Variants in IGLL5 observed in about 807,000 individuals in gnomAD.
The protein encoded by IGLL5 is immunoglobulin lambda like polypeptide 5, also known as immunoglobulin lambda-like polypeptide 5.
In IGLL5, 30 loss-of-function variants were observed where a neutral mutation model predicts 20.9. The ratio of observed to expected loss-of-function variants is 1.44; its 90% CI spans 1.07 to 1.95. The LOEUF is 1.95. Among genes scored for constraint, IGLL5 ranks in the 30% most tolerant of loss-of-function variants. IGLL5 has a pLI of 0.00. For missense variants in IGLL5, 475 were observed against 270.7 expected (o/e 1.75, Z -5.30); for synonymous variants, 203 against 117.3 (o/e 1.73, Z -4.72).
chr22:22,894,831 A>G (rs2066700638), intron 2 of IGLL5, among the ~76,000 whole-genome samples: 3 of 151,374 alleles, frequency 2.0e-5, no homozygotes, highest in Middle Eastern at 3.8e-3. Flanking sequence ...CCTTGCCAGG[A>G]GAGCCAAGTG....
chr22:22,894,072 T>C (rs1281289524), intron 2 of IGLL5, among the ~76,000 whole-genome samples: 2 of 151,424 alleles, frequency 1.3e-5, no homozygotes, highest in Middle Eastern at 3.7e-3. Context: ...GCTCCTCCTC[T>C]CTTCCAGGGC....
At chr22:22,888,307 T>G (rs553889452) in intron 1 of IGLL5, 48 bp downstream of exon 1, 2 of 1,521,520 alleles carry the variant, frequency 1.3e-6, no homozygotes, top group East Asian at 2.5e-5. Flanking sequence ...GCAGCAGAGC[T>G]GGGAAAGGGT....
intron 2 of IGLL5, 108 bp from the exon 3 acceptor site, chr22:22,895,267 C>G: frequency 7.0e-6 from 7 of 1,006,872 alleles, no homozygotes; most frequent in Non-Finnish European, 1.1e-5. Context: ...CCGGGTGGAC[C>G]GGATGGCCAC....
intron 2 of IGLL5, 102 bp downstream of exon 2, chr22:22,893,920 TAAG>T: frequency 1.2e-6 from 1 of 843,238 alleles, no homozygotes; most frequent in Non-Finnish European, 2.0e-6. Context: ...CTCCCAGCCT[TAAG>T]CACTGACCCT....
At chr22:22,892,918 G>C (rs2067893503) in intron 1 of IGLL5, among the ~76,000 whole-genome samples, 1 of 151,022 alleles carries the variant, frequency 6.6e-6, no homozygotes, top group South Asian at 2.1e-4. Context: ...AGGGGAGAGT[G>C]ACTAGAAAGA....
chr22:22,888,516 A>T (rs1601601657), intron 1 of IGLL5, among the ~76,000 whole-genome samples: 2 of 151,412 alleles, frequency 1.3e-5, no homozygotes, highest in South Asian at 2.1e-4. Flanking sequence ...CACCAGGGTC[A>T]GTGCCTCAAT....
At chr22:22,889,015 A>AGAAGACCATTGGGTCCGTG in intron 1 of IGLL5, among the ~76,000 whole-genome samples, 1 of 151,226 alleles carries the variant, frequency 6.6e-6, no homozygotes, top group East Asian at 2.0e-4. Flanking sequence ...AGGGGAGGCA[A>AGAAGACCATTGGGTCCGTG]GAAGACCATA....
intron 1 of IGLL5, among the ~76,000 whole-genome samples, chr22:22,888,526 T>A: frequency 6.6e-6 from 1 of 151,438 alleles, no homozygotes; most frequent in East Asian, 2.0e-4. Flanking sequence ...AGTGCCTCAA[T>A]CACCTAGTCC....
chr22:22,887,982 G>A lies in IGLL5; in HGVS notation c.-72G>A, dbSNP rs2067556085. On this transcript the variant is annotated 5_prime_UTR_variant, in exon 1 of 3. Transcript: ENST00000526893. ...ACTGTAACAGCCCTGCTGGCGAGAG[G>A]GACCAGGGCACCGTCCTCCAGGGAG... 22 of 1,229,668 alleles carry A rather than the reference G, an allele frequency of 1.8e-5. No homozygotes were observed. In the South Asian group the frequency reaches 2.6e-4, roughly 14 times the overall value. The allele number at this position is 1,229,668 out of a possible 1,614,324, so 76.2% of individuals were successfully genotyped here.
chr22:22,891,655 A>G (rs910063448), intron 1 of IGLL5, among the ~76,000 whole-genome samples: 2 of 151,348 alleles, frequency 1.3e-5, no homozygotes, highest in African/African-American at 2.4e-5. Flanking sequence ...GTTCAGAGAC[A>G]TGATGTACTC....
At chr22:22,889,116 T>TGA in intron 1 of IGLL5, among the ~76,000 whole-genome samples, 1 of 150,836 alleles carries the variant, frequency 6.6e-6, no homozygotes, top group East Asian at 2.0e-4. Context: ...TTTGGAAAAA[T>TGA]CAGCACCGGA....
chr22:22,894,382 C>G (rs192361607), intron 2 of IGLL5, among the ~76,000 whole-genome samples: 35 of 151,202 alleles, frequency 2.3e-4, no homozygotes, highest in Middle Eastern at 3.8e-3. Context: ...GTGGCCTGTG[C>G]TGGGTCATGA....
chr22:22,889,429 G>T (rs551342433), intron 1 of IGLL5, among the ~76,000 whole-genome samples: 2 of 151,270 alleles, frequency 1.3e-5, no homozygotes, highest in Admixed American at 1.3e-4. Flanking sequence ...TCCACTTCTA[G>T]GAATTTATCC....
chr22:22,893,951 C>T (rs2067955051), intron 2 of IGLL5, 133 bp downstream of exon 2: 1 of 725,748 alleles, frequency 1.4e-6, no homozygotes, highest in Non-Finnish European at 2.5e-6. Flanking sequence ...CTCCATGGGG[C>T]CTGGAGGAGG....
chr22:22,888,772 T>C (rs541154644), intron 1 of IGLL5, among the ~76,000 whole-genome samples: 2 of 151,358 alleles, frequency 1.3e-5, no homozygotes, highest in Admixed American at 6.6e-5. Context: ...GGGGCCAGGC[T>C]CAAGGACACA....
rs964463714 is a variant in IGLL5, at chr22:22,893,981, C to G, written c.325+163C>G. 2.2e-4 allele frequency among the ~76,000 whole-genome samples: 33 copies of G among 151,064 alleles called. 1 individual carries two copies. Among genetic ancestry groups the G allele is most frequent in the South Asian group, 1.1e-3 (5 of 4,716 alleles). Reference sequence around the variant, plus strand: ...AGGAGGTGCATTAGTCTCCGGGTAACCGGCAGGAAGGGCCTCCACAGTGGG... The same window carrying G: ...AGGAGGTGCATTAGTCTCCGGGTAAGCGGCAGGAAGGGCCTCCACAGTGGG... On this transcript the variant is annotated intron_variant, in intron 2 of 2. Coordinates refer to ENST00000526893, the MANE Select transcript of IGLL5 (RefSeq NM_001178126.2).
intron 2 of IGLL5, among the ~76,000 whole-genome samples, chr22:22,894,255 T>A (rs575801332): frequency 1.3e-5 from 2 of 151,022 alleles, no homozygotes; most frequent in East Asian, 2.0e-4. Flanking sequence ...GGGTCTAGGC[T>A]GAGGACTGGA....
At chr22:22,889,450 T>G (rs538961983) in intron 1 of IGLL5, among the ~76,000 whole-genome samples, 2 of 151,184 alleles carry the variant, frequency 1.3e-5, no homozygotes, top group African/African-American at 4.9e-5. Flanking sequence ...TAAGGGTTGG[T>G]TGGGGGAATA....
intron 1 of IGLL5, among the ~76,000 whole-genome samples, chr22:22,888,689 G>C (rs1402871188): frequency 2.0e-5 from 3 of 151,370 alleles, no homozygotes; most frequent in South Asian, 2.1e-4. Context: ...CCACTCCCTG[G>C]AGAAGGCAGC....
Sources: gnomAD v4.1 joint callset for allele counts (sites outside exome capture counted in the v4.1 genomes callset) on GRCh38, gnomAD v4.1.1 for gene constraint, MANE v1.5 for transcripts, NCBI Gene and HGNC (gene_info 2026-07-23, HGNC 2026-07-21) for gene names.